The following UVSSA variants were observed in gnomAD, a reference collection of about 807,000 sequenced individuals.
UVSSA encodes UV-stimulated scaffold protein A.
Under a neutral mutation model 73.9 loss-of-function variants are expected in UVSSA, and 72 were observed. The ratio of observed to expected loss-of-function variants is 0.97; its 90% CI spans 0.81 to 1.19. The LOEUF is 1.19. UVSSA is among the 50% of genes most tolerant of loss of function. UVSSA has a pLI of 0.00. For synonymous variants in UVSSA, 454 were observed against 391.3 expected (o/e 1.16, Z -1.89); for missense variants, 1,150 against 965.0 (o/e 1.19, Z -2.54).
At chr4:1,348,035 C>A in intron 1 of UVSSA, 55 bp from the exon 2 acceptor site, 1 of 1,424,920 alleles carries the variant, frequency 7.0e-7, no homozygotes, top group Non-Finnish European at 9.8e-7. Context: ...TTAATAACAC[C>A]GAGAGCTATA....
chr4:1,366,509 C>G, intron 8 of UVSSA, 78 bp downstream of exon 8: 1 of 1,098,416 alleles, frequency 9.1e-7, no homozygotes, highest in East Asian at 2.4e-5. Flanking sequence ...GGGTCATGAC[C>G]TCAGGGGCAG....
At chr4:1,356,018 G>A (rs1035733396) in intron 7 of UVSSA, among the ~76,000 whole-genome samples, 2 of 152,146 alleles carry the variant, frequency 1.3e-5, no homozygotes, top group Middle Eastern at 3.2e-3. Context: ...ACCCAGCACA[G>A]TCGGGCCTTA....
chr4:1,363,280 A>G (rs4974555), intron 7 of UVSSA, among the ~76,000 whole-genome samples: 44,537 of 152,070 alleles, frequency 0.29, 7,880 homozygotes, highest in Non-Finnish European at 0.4. Flanking sequence ...GGGTGCCCTC[A>G]TCAGCGCTGA....
At chr4:1,371,317 T>C (rs1384938259) in intron 8 of UVSSA, among the ~76,000 whole-genome samples, 1 of 151,852 alleles carries the variant, frequency 6.6e-6, no homozygotes, top group Non-Finnish European at 1.5e-5. Flanking sequence ...TACATGACTT[T>C]CCGGGTGTCT....
intron 10 of UVSSA, among the ~76,000 whole-genome samples, chr4:1,378,960 A>T (rs1719102419): frequency 6.6e-6 from 1 of 152,180 alleles, no homozygotes; most frequent in Non-Finnish European, 1.5e-5. Context: ...ATCCCAGACC[A>T]AGGTGGATGC....
chr4:1,354,937 C>T (rs534915131), intron 6 of UVSSA, 90 bp downstream of exon 6: 15 of 1,535,772 alleles, frequency 9.8e-6, no homozygotes, highest in South Asian at 5.9e-5. Flanking sequence ...GACTGTGGCC[C>T]GGTGACTGAA....
chr4:1,373,033 G>T (rs2109250900), intron 8 of UVSSA, among the ~76,000 whole-genome samples: 1 of 152,344 alleles, frequency 6.6e-6, no homozygotes, highest in South Asian at 2.1e-4. Context: ...TCTCCATGAG[G>T]TCGTCGTCCT....
chr4:1,371,686 C>CGA (rs1471268645), intron 8 of UVSSA, among the ~76,000 whole-genome samples: 2 of 152,182 alleles, frequency 1.3e-5, no homozygotes, highest in African/African-American at 4.8e-5. Context: ...GAGAAACTCC[C>CGA]GCTTTTACAG....
chr4:1,386,791 C>T lies in UVSSA; in HGVS notation c.*830C>T, dbSNP rs1262664550. The stretch of plus-strand genomic sequence containing the variant: ...TGAGTGCAGTGGCAGAATCATAGCT[C>T]AGTGCAGCCTCAAACTCCTGGGCTC... On this transcript the variant is annotated 3_prime_UTR_variant, in exon 14 of 14. Coordinates refer to ENST00000389851, the MANE Select transcript of UVSSA (RefSeq NM_020894.4). The T allele has an allele frequency of 1.3e-5, 2 of 152,000 alleles. No individual in the cohort carries two copies. Among genetic ancestry groups the T allele is most frequent in the African/African-American group, 4.8e-5 (2 of 41,348 alleles). The allele number at this position is 152,000 out of a possible 1,614,324, so 9.4% of individuals were successfully genotyped here. A position where few individuals can be genotyped will look rare whatever the true frequency, so the allele number is the denominator to read the frequency against.
chr4:1,375,156 C>T lies in UVSSA; in HGVS notation c.1289-208C>T, dbSNP rs1424117413. 19 of 724,214 alleles carry T rather than the reference C, an allele frequency of 2.6e-5. No homozygotes were observed. In the South Asian group the frequency reaches 2.9e-4, roughly 11 times the overall value. 44.9% of individuals were successfully genotyped at this position (724,214 alleles called of 1,614,324 possible). ...AAGGCGGGACTGCCGGACCCCCCGACGCACGCCATGTTCTGGCAGAGCGTG... is the reference window on the plus strand; with the variant it reads ...AAGGCGGGACTGCCGGACCCCCCGATGCACGCCATGTTCTGGCAGAGCGTG... On this transcript the variant is annotated intron_variant, in intron 8 of 13. Transcript: ENST00000389851.
intron 7 of UVSSA, chr4:1,358,643 T>TCCGCC: frequency 6.6e-6 from 1 of 152,318 alleles, no homozygotes; most frequent in East Asian, 1.9e-4. Flanking sequence ...GCGCGGCCGC[T>TCCGCC]GCGTCCGAGT....
chr4:1,358,094 CAG>C (rs1026667684), intron 7 of UVSSA: 5 of 152,590 alleles, frequency 3.3e-5, no homozygotes, highest in African/African-American at 1.2e-4. Flanking sequence ...CCTTGGCACA[CAG>C]GCAGCCACCC....
chr4:1,365,377 T>A (rs900482805), intron 7 of UVSSA, among the ~76,000 whole-genome samples: 1 of 152,174 alleles, frequency 6.6e-6, no homozygotes, highest in African/African-American at 2.4e-5. Context: ...CCACCGTCTT[T>A]CTCTGGCCTG....
chr4:1,360,038 G>A (rs966433536), intron 7 of UVSSA, among the ~76,000 whole-genome samples: 1 of 152,250 alleles, frequency 6.6e-6, no homozygotes, highest in Non-Finnish European at 1.5e-5. Flanking sequence ...ACAGGCAGGG[G>A]AGGAGGGACC....
In UVSSA at chr4:1,371,617, A is replaced by G. The variant is rs545994474; in HGVS notation, c.1289-3747A>G. On this transcript the variant is annotated intron_variant, in intron 8 of 13. Transcript: ENST00000389851. ...AGGCCTCACAATCATGGTGGAAGGC[A>G]AGAAGGAGCAAGTCACATCTTAACG... 6.6e-5 allele frequency among the ~76,000 whole-genome samples: 10 copies of G among 152,332 alleles called. No homozygotes were observed. The South Asian group carries it at 2.1e-3, about 32-fold the overall frequency.
In UVSSA at chr4:1,355,198, A is replaced by C. The variant is rs769534968; in HGVS notation, c.1129A>C (p.Lys377Gln). The C allele has an allele frequency of 6.2e-7, 1 of 1,613,444 alleles. No homozygotes were observed. The highest frequency in any genetic ancestry group is 8.5e-7 in the Non-Finnish European group (1 of 1,179,798). The change falls in exon 7 of 14, where the codon AAA becomes CAA. Residue 377 changes from lysine (K) to glutamine (Q), a missense_variant. Transcript: ENST00000389851. ...LKAELELVLR[K>Q]YKELDIEPEG... The stretch of plus-strand genomic sequence containing the variant: ...GGCTGAATTGGAGCTCGTACTGAGA[A>C]AATACAAGGAGCTGGACATCGAGCC...
At chr4:1,363,995 G>A (rs949830179) in intron 7 of UVSSA, among the ~76,000 whole-genome samples, 1 of 147,820 alleles carries the variant, frequency 6.8e-6, no homozygotes, top group African/African-American at 2.5e-5. Flanking sequence ...TGTGTGGCCT[G>A]GCTCCGTGGG....
At chr4:1,385,706 G>A (rs78013320) in intron 13 of UVSSA, 162 bp from the exon 14 acceptor site, 60,090 of 690,306 alleles carry the variant, frequency 0.087, 3,038 homozygotes, top group South Asian at 0.11. Context: ...CAAGGGGCCC[G>A]TCGCCCATCT....
At chr4:1,370,982 C>G (rs943105028) in intron 8 of UVSSA, among the ~76,000 whole-genome samples, 1 of 152,234 alleles carries the variant, frequency 6.6e-6, no homozygotes, top group Non-Finnish European at 1.5e-5. Flanking sequence ...GCCCGGCGGC[C>G]TTGCAGTACC....
Sources: gnomAD v4.1 joint callset for allele counts (sites outside exome capture counted in the v4.1 genomes callset) on GRCh38, gnomAD v4.1.1 for gene constraint, MANE v1.5 for transcripts, NCBI Gene and HGNC (gene_info 2026-07-23, HGNC 2026-07-21) for gene names.